Variants in CACNA1D observed in about 807,000 individuals in gnomAD.
CACNA1D encodes the protein voltage-dependent L-type calcium channel subunit alpha-1D.
A neutral mutation model predicts 257.1 loss-of-function variants in CACNA1D; 55 were observed. That is an observed-to-expected ratio of 0.21 (90% CI 0.17 to 0.27). The LOEUF is 0.27. CACNA1D is among the 10% of genes least tolerant of loss of function. The probability of loss-of-function intolerance (pLI) is 1.00; values close to 1 mark genes in which losing one functional copy is unlikely to be tolerated. For missense variants in CACNA1D, 1,876 were observed against 2,784.0 expected (o/e 0.67, Z 7.34); for synonymous variants, 980 against 1,014.9 (o/e 0.97, Z 0.65).
intron 4 of CACNA1D, among the ~76,000 whole-genome samples, chr3:53,651,951 A>G (rs2094102145): frequency 6.6e-6 from 1 of 152,082 alleles, no homozygotes; most frequent in South Asian, 2.1e-4. Context: ...CTTTCAACCT[A>G]GGAAGTTAAT....
chr3:53,508,100 G>T (rs1268242634), intron 3 of CACNA1D, among the ~76,000 whole-genome samples: 6 of 152,106 alleles, frequency 3.9e-5, no homozygotes, highest in African/African-American at 1.4e-4. Flanking sequence ...ATCTTCCTCA[G>T]CTCATTTTGA....
At chr3:53,763,913 A>G (rs1296961351) in intron 30 of CACNA1D, among the ~76,000 whole-genome samples, 1 of 152,200 alleles carries the variant, frequency 6.6e-6, no homozygotes, top group African/African-American at 2.4e-5. Context: ...AATGATCGGA[A>G]TATTCGGGAA....
chr3:53,684,207 T>C (rs6780648), intron 8 of CACNA1D, among the ~76,000 whole-genome samples: 48,204 of 152,122 alleles, frequency 0.32, 7,648 homozygotes, highest in Middle Eastern at 0.4. Flanking sequence ...AGAAAAACTT[T>C]CAGGTAAACA....
At chr3:53,804,135 C>T (rs1238250477) in intron 44 of CACNA1D, among the ~76,000 whole-genome samples, 3 of 152,158 alleles carry the variant, frequency 2.0e-5, no homozygotes, top group Non-Finnish European at 4.4e-5. Context: ...GCGTAGCAGG[C>T]GGCACAGGCG....
intron 31 of CACNA1D, among the ~76,000 whole-genome samples, 189 bp from the exon 32 acceptor site, chr3:53,770,235 G>A (rs534063681): frequency 5.9e-5 from 9 of 152,302 alleles, no homozygotes; most frequent in African/African-American, 1.4e-4. Flanking sequence ...CTGTGTGGAC[G>A]CAGTTTTCCG....
intron 15 of CACNA1D, among the ~76,000 whole-genome samples, chr3:53,728,052 T>C (rs1576477384): frequency 6.6e-6 from 1 of 152,290 alleles, no homozygotes; most frequent in Middle Eastern, 3.4e-3. Context: ...CAGAGAAGGT[T>C]CTTCTACCTC....
rs371634302 is a variant in CACNA1D at position 53,655,498 on chromosome 3, A to G, written c.623+4580A>G. ...GCATCTGTTATTTTTTGACTTTTTA[A>G]GAGTAGCCATTTTAACTGGTGTGAA... On this transcript the variant is annotated intron_variant, in intron 4 of 47. Transcript: ENST00000350061. Among the ~76,000 whole-genome samples the G allele has an allele frequency of 7.2e-5, 11 of 152,288 alleles. No homozygotes were observed. The East Asian group carries it at 1.7e-3, about 24-fold the overall frequency.
intron 3 of CACNA1D, among the ~76,000 whole-genome samples, chr3:53,509,899 G>A (rs1318730878): frequency 6.6e-6 from 1 of 152,212 alleles, no homozygotes; most frequent in African/African-American, 2.4e-5. Flanking sequence ...GTATTTATAA[G>A]AAAGGAAATT....
chr3:53,631,006 G>T (rs6792713), intron 3 of CACNA1D, among the ~76,000 whole-genome samples: 4,191 of 152,276 alleles, frequency 0.028, 71 homozygotes, highest in East Asian at 0.052. Context: ...CCTTCAGCAG[G>T]TCATAATCTT....
In CACNA1D at chr3:53,800,167, C is replaced by A; in HGVS notation, c.4924-82C>A. On this transcript the variant is annotated intron_variant, in intron 40 of 47. Coordinates refer to ENST00000350061, the MANE Select transcript of CACNA1D (RefSeq NM_001128840.3). This position sits in a 1 kb window ranked among gnomAD's most constrained non-coding sequence, Gnocchi z 4.3. The stretch of plus-strand genomic sequence containing the variant: ...GAAGCCTTCCTCCCCACCGCTGAAT[C>A]AGGAAGGAGCAAAGCCAGGACCCAG... 1 of 975,660 alleles carries A rather than the reference C, an allele frequency of 1.0e-6. No individual in the cohort carries two copies. Among genetic ancestry groups the A allele is most frequent in the Non-Finnish European group, 1.7e-6 (1 of 597,496 alleles). The allele number at this position is 975,660 out of a possible 1,614,324, so 60.4% of individuals were successfully genotyped here. A position where few individuals can be genotyped will look rare whatever the true frequency, so the allele number is the denominator to read the frequency against.
chr3:53,577,415 G>A (rs559749928), intron 3 of CACNA1D, among the ~76,000 whole-genome samples: 38 of 152,130 alleles, frequency 2.5e-4, no homozygotes, highest in Admixed American at 4.6e-4. Flanking sequence ...ATAGCCACTG[G>A]CAGCCCTGGA....
chr3:53,681,350 G>A (rs755342816), intron 8 of CACNA1D, among the ~76,000 whole-genome samples: 1 of 152,154 alleles, frequency 6.6e-6, no homozygotes, highest in Non-Finnish European at 1.5e-5. Context: ...TCTGGAAATA[G>A]GGCAACTGTG....
chr3:53,553,439 A>G (rs1051440225), intron 3 of CACNA1D, among the ~76,000 whole-genome samples: 1 of 152,172 alleles, frequency 6.6e-6, no homozygotes, highest in Non-Finnish European at 1.5e-5. Flanking sequence ...CCTACCATTC[A>G]TCAAAGGCAT....
At chr3:53,760,432 C>T (rs967623213) in intron 29 of CACNA1D, among the ~76,000 whole-genome samples, 31 of 152,122 alleles carry the variant, frequency 2.0e-4, no homozygotes, top group African/African-American at 6.0e-4. Flanking sequence ...AAATGTACCC[C>T]GTTGTAAACA....
chr3:53,768,477 A>G (rs778818603), intron 30 of CACNA1D, among the ~76,000 whole-genome samples: 1 of 152,248 alleles, frequency 6.6e-6, no homozygotes, highest in Non-Finnish European at 1.5e-5. Context: ...TTAAAAAATT[A>G]GTTCCTTCAT....
At chr3:53,557,200 G>C (rs2092660176) in intron 3 of CACNA1D, among the ~76,000 whole-genome samples, 1 of 152,044 alleles carries the variant, frequency 6.6e-6, no homozygotes, top group Admixed American at 6.6e-5. Context: ...TTTACATTAA[G>C]ATCTGTGGTC....
chr3:53,501,806 G>T, intron 3 of CACNA1D, 86 bp downstream of exon 3: 1 of 800,350 alleles, frequency 1.2e-6, no homozygotes. Flanking sequence ...CTTCTGGGTG[G>T]TTGAAGTTTA....
At chr3:53,601,365 A>AGGAT (rs2107877115) in intron 3 of CACNA1D, among the ~76,000 whole-genome samples, 1 of 151,712 alleles carries the variant, frequency 6.6e-6, no homozygotes, top group East Asian at 1.9e-4. Context: ...GAACCAATCC[A>AGGAT]CTTTACCAAG....
intron 3 of CACNA1D, among the ~76,000 whole-genome samples, chr3:53,513,660 T>C (rs551020927): frequency 3.9e-5 from 6 of 152,264 alleles, no homozygotes; most frequent in African/African-American, 1.4e-4. Context: ...TTCAATGTAG[T>C]CTGAGTGTAC....
Sources: allele counts gnomAD v4.1 joint callset (sites outside exome capture counted in the v4.1 genomes callset), GRCh38; gene constraint gnomAD v4.1.1; non-coding constraint Gnocchi (gnomAD v3.1); transcripts MANE v1.5; gene names NCBI Gene and HGNC (gene_info 2026-07-23, HGNC 2026-07-21).